The following PRPF8 variants were observed in gnomAD, a reference collection of about 807,000 sequenced individuals.
PRPF8 encodes pre-mRNA processing factor 8, also known as pre-mRNA-processing-splicing factor 8.
Under a neutral mutation model 285.9 loss-of-function variants are expected in PRPF8, and 64 were observed. The observed-to-expected ratio is 0.22, with a 90% CI of 0.18 to 0.28. The LOEUF is 0.28. PRPF8 is among the 10% of genes least tolerant of loss of function. PRPF8 has a pLI of 1.00. For missense variants in PRPF8, 1,426 were observed against 3,026.7 expected, an observed-to-expected ratio of 0.47 and a Z score of 12.41; for synonymous variants, 1,325 against 1,118.2, an observed-to-expected ratio of 1.18 and a Z score of -3.69.
intron 24 of PRPF8, among the ~76,000 whole-genome samples, chr17:1,668,175 G>A (rs1478280256): frequency 6.6e-6 from 1 of 152,148 alleles, no homozygotes; most frequent in Non-Finnish European, 1.5e-5. Context: ...TGACTCCAGA[G>A]CCTGTGCTTC....
Position 1,653,182 on chromosome 17 carries a change from C to T in PRPF8, c.6369+360G>A, listed in dbSNP as rs1911177547. 5.0e-6 allele frequency: 2 copies of T among 399,628 alleles called. No individual in the cohort carries two copies. Among genetic ancestry groups the T allele is most frequent in the South Asian group, 2.2e-5 (1 of 45,452 alleles). The allele number at this position is 399,628 out of a possible 1,614,324, so 24.8% of individuals were successfully genotyped here. On this transcript the variant is annotated intron_variant, in intron 39 of 42. Coordinates refer to ENST00000304992, the MANE Select transcript of PRPF8 (RefSeq NM_006445.4). This position sits in a 1 kb window ranked among gnomAD's most constrained non-coding sequence, Gnocchi z 4.9. ...CTCAAACCCCTGACCTCAGGTGATC[C>T]ACCCACCTAGGCCTCCCAAAGTGCT...
Position 1,677,216 on chromosome 17 carries a change from G to A in PRPF8, c.1985-44C>T, listed in dbSNP as rs370510723. 8.9e-6 allele frequency: 14 copies of A among 1,576,508 alleles called. No homozygotes were observed. The African/African-American group carries it at 1.6e-4, about 18-fold the overall frequency. ...AAGGGGATTACAAGGAAGATTCCTT[G>A]CTTTCAATAAGGGTCTCTACCTTCA... On this transcript the variant is annotated intron_variant, in intron 14 of 42. Transcript: ENST00000304992.
chr17:1,663,952 A>C (rs1911814733), intron 24 of PRPF8, among the ~76,000 whole-genome samples: 2 of 152,284 alleles, frequency 1.3e-5, no homozygotes, highest in South Asian at 4.1e-4. Context: ...AAGACCTAAT[A>C]ATCCTAAATA....
At chr17:1,684,631 A>C in intron 1 of PRPF8, 49 bp from the exon 2 acceptor site, 3 of 1,571,950 alleles carry the variant, frequency 1.9e-6, no homozygotes, top group Non-Finnish European at 2.6e-6. Context: ...GCCCGGGCCC[A>C]CAAGAAGCGC....
chr17:1,675,450 T>C lies in PRPF8; in HGVS notation c.2873-111A>G. On this transcript the variant is annotated intron_variant, in intron 19 of 42. Transcript: ENST00000304992. The surrounding 1 kb of genome is among the most constrained non-coding windows in gnomAD (Gnocchi z 6.0). ...CCAATCCCACTATGATTCCACGTAT[T>C]CATTTGGATTGCTTTGACTATGGGC... The C allele has an allele frequency of 6.9e-7, 1 of 1,453,134 alleles. No homozygotes were observed. The highest frequency in any genetic ancestry group is 2.3e-5 in the East Asian group (1 of 44,144). 90.0% of individuals were successfully genotyped at this position (1,453,134 alleles called of 1,614,324 possible). A position where few individuals can be genotyped will look rare whatever the true frequency, so the allele number is the denominator to read the frequency against.
rs2151126245 is a variant in PRPF8, at chr17:1,673,868, G to A, written c.3324C>T (p.Asp1108=). The change falls in exon 22 of 43, where the codon GAC becomes GAT. Residue 1108 remains aspartate (D), a synonymous_variant. Transcript: ENST00000304992. This position sits in a 1 kb window ranked among gnomAD's most constrained non-coding sequence, Gnocchi z 5.5. ...GCTCTGTCAGGTAACGTTGAATCAGGTCCCGAGCCTCATCTGCTGTGAACC... is the reference window on the plus strand; with the variant it reads ...GCTCTGTCAGGTAACGTTGAATCAGATCCCGAGCCTCATCTGCTGTGAACC... ...FFRFTADEAR[D]LIQRYLTEHP... The A allele has an allele frequency of 6.2e-7, 1 of 1,613,678 alleles. No homozygotes were observed. The highest frequency in any genetic ancestry group is 1.7e-5 in the Admixed American group (1 of 60,000).
At chr17:1,663,374 T>C (rs182762352) in intron 24 of PRPF8, among the ~76,000 whole-genome samples, 14 of 151,920 alleles carry the variant, frequency 9.2e-5, no homozygotes, top group Admixed American at 6.6e-4. Flanking sequence ...TTAACCTTAA[T>C]TGAGGTATTT....
intron 34 of PRPF8, among the ~76,000 whole-genome samples, chr17:1,657,474 T>C (rs1567677589): frequency 6.6e-6 from 1 of 151,562 alleles, no homozygotes; most frequent in Non-Finnish European, 1.5e-5. Flanking sequence ...TGAAACCCCG[T>C]CTCTACTAAA....
In PRPF8 at chr17:1,681,026, T is replaced by C; in HGVS notation, c.895A>G (p.Ile299Val). 2 of 1,613,508 alleles carry C rather than the reference T, an allele frequency of 1.2e-6. No individual in the cohort carries two copies. Among genetic ancestry groups the C allele is most frequent in the Non-Finnish European group, 1.7e-6 (2 of 1,179,550 alleles). ...QDEDWNEFND[I>V]NKIIIRQPIR... is the part of the protein sequence containing the mutation. ...GGCTGCCGGATGATAATCTTGTTAA[T>C]ATCATTGAATTCATTCCAGTCTTCA... Residue 299 changes from isoleucine to valine, a missense_variant, in exon 7 of 43, where the codon ATT becomes GTT. Coordinates refer to ENST00000304992, the MANE Select transcript of PRPF8 (RefSeq NM_006445.4).
rs1278021531 is a variant in PRPF8 at position 1,674,692 on chromosome 17, G to A, written c.3061-12C>T. Reference sequence around the variant, plus strand: ...GTATGGTTCATGTCCTAGAAAGAAAGAACTACAATTCTTAAGAATGTGAGC... The same window carrying A: ...GTATGGTTCATGTCCTAGAAAGAAAAAACTACAATTCTTAAGAATGTGAGC... On this transcript the variant is annotated splice_polypyrimidine_tract_variant and intron_variant, in intron 20 of 42. Transcript: ENST00000304992. The A allele has an allele frequency of 1.2e-6, 2 of 1,608,234 alleles. No homozygotes were observed. Among genetic ancestry groups the A allele is most frequent in the African/African-American group, 1.3e-5 (1 of 74,930 alleles).
At chr17:1,671,850 CAAA>C (rs1225346730) in intron 24 of PRPF8, among the ~76,000 whole-genome samples, 4 of 49,814 alleles carry the variant, frequency 8.0e-5, no homozygotes, top group South Asian at 7.4e-4. Context: ...GACTCCATCT[CAAA>C]AAAAAAAAAA....
In PRPF8 at chr17:1,651,298, G is replaced by A. The variant is rs1270962600; in HGVS notation, c.6663C>T (p.Gly2221=). Residue 2221 remains glycine (G), a synonymous_variant, in exon 42 of 43, where the codon GGC becomes GGT. Transcript: ENST00000304992. The surrounding 1 kb of genome is among the most constrained non-coding windows in gnomAD (Gnocchi z 5.1). ...TIIITCSFTP[G]SCTLTAYKLT... is the part of the protein sequence containing the mutation. ...GCTTGTAGGCCGTCAGTGTACAGGA[G>A]CCTGGCGTGAAGCTGGGGGAGGAAC... 4.3e-6 allele frequency: 7 copies of A among 1,614,138 alleles called. No individual in the cohort carries two copies. Among genetic ancestry groups the A allele is most frequent in the South Asian group, 3.3e-5 (3 of 91,084 alleles).
At chr17:1,656,818 A>G (rs1162348937) in intron 34 of PRPF8, 57 bp from the exon 35 acceptor site, 9 of 1,392,592 alleles carry the variant, frequency 6.5e-6, no homozygotes, top group Non-Finnish European at 9.1e-6. Flanking sequence ...CAGATCAACT[A>G]GAACAGAATA....
At position 1,662,151 on chromosome 17, in the gene PRPF8, A is replaced by G; in HGVS notation, c.3777T>C (p.Ile1259=). The G allele has an allele frequency of 6.2e-7, 1 of 1,614,204 alleles. No individual in the cohort carries two copies. Among genetic ancestry groups the G allele is most frequent in the South Asian group, 1.1e-5 (1 of 91,076 alleles). ...MASGSTTFTK[I]VNKWNTALIG... is the part of the protein sequence containing the mutation. Reference sequence around the variant, plus strand: ...TGAGAGCTGTATTCCACTTATTCACAATCTAAAGGTAGTAGAAAAAAAAGT... The same window carrying G: ...TGAGAGCTGTATTCCACTTATTCACGATCTAAAGGTAGTAGAAAAAAAAGT... The change falls in exon 25 of 43, where the codon ATT becomes ATC. Residue 1259 remains isoleucine, a splice_region_variant and synonymous_variant. Coordinates refer to ENST00000304992, the MANE Select transcript of PRPF8 (RefSeq NM_006445.4).
chr17:1,668,985 A>C (rs1912156651), intron 24 of PRPF8, among the ~76,000 whole-genome samples: 2 of 152,044 alleles, frequency 1.3e-5, no homozygotes, highest in Admixed American at 1.3e-4. Context: ...ATAGCTTCCC[A>C]CTAACCTCAT....
chr17:1,662,445 C>T (rs1439363929), intron 24 of PRPF8, among the ~76,000 whole-genome samples: 6 of 151,556 alleles, frequency 4.0e-5, no homozygotes, highest in Non-Finnish European at 7.4e-5. Context: ...AAGAATTAGC[C>T]GGGTGTGGTG....
rs2151127771 is a variant in PRPF8 at position 1,675,755 on chromosome 17, G to A, written c.2737C>T (p.Pro913Ser). 1 of 1,614,118 alleles carries A rather than the reference G, an allele frequency of 6.2e-7. No individual in the cohort carries two copies. The highest frequency in any genetic ancestry group is 8.5e-7 in the Non-Finnish European group (1 of 1,180,040). The change falls in exon 19 of 43, where the codon CCC becomes TCC. Residue 913 changes from proline to serine, a missense_variant. Around this residue, in one of 34 missense-constraint regions of PRPF8, gnomAD observed 70 missense variants for 273.7 expected, o/e 0.26. Coordinates refer to ENST00000304992, the MANE Select transcript of PRPF8 (RefSeq NM_006445.4). The surrounding 1 kb of genome is among the most constrained non-coding windows in gnomAD (Gnocchi z 6.0). Reference sequence around the variant, plus strand: ...TAAGCATCAGTTATCTTCTCCAGGGGCTCAACATCATATACTGGAACGAGG... The same window carrying A: ...TAAGCATCAGTTATCTTCTCCAGGGACTCAACATCATATACTGGAACGAGG... ...SHLVPVYDVE[P>S]LEKITDAYLD...
intron 24 of PRPF8, among the ~76,000 whole-genome samples, chr17:1,665,936 T>C (rs767015637): frequency 1.3e-5 from 2 of 149,482 alleles, no homozygotes; most frequent in Admixed American, 6.7e-5. Flanking sequence ...CGAGGCAAGC[T>C]GATCAGGTGG....
Position 1,659,318 on chromosome 17 carries a change from G to A in PRPF8, c.5138+39C>T, listed in dbSNP as rs762030012. 3.2e-5 allele frequency: 51 copies of A among 1,611,134 alleles called. No individual in the cohort carries two copies. The East Asian group carries it at 4.2e-4, about 13-fold the overall frequency. ...TGGGATTACAGGTGTGAGCCACTGC[G>A]CCTGGCCTGAAAATACATGGTCCTG... On this transcript the variant is annotated intron_variant, in intron 32 of 42. Transcript: ENST00000304992. The surrounding 1 kb of genome is among the most constrained non-coding windows in gnomAD (Gnocchi z 5.1).
Sources: allele counts gnomAD v4.1 joint callset (sites outside exome capture counted in the v4.1 genomes callset), GRCh38; gene constraint gnomAD v4.1.1; regional missense constraint gnomAD v4.1.1; non-coding constraint Gnocchi (gnomAD v3.1); transcripts MANE v1.5; gene names NCBI Gene and HGNC (gene_info 2026-07-23, HGNC 2026-07-21).